The following TRHDE variants were observed in gnomAD, a reference collection of about 807,000 sequenced individuals.
TRHDE encodes thyrotropin releasing hormone degrading enzyme.
A neutral mutation model predicts 125.7 loss-of-function variants in TRHDE; 72 were observed. That is an observed-to-expected ratio of 0.57 (90% CI 0.47 to 0.70). The LOEUF (loss-of-function observed/expected upper bound fraction) is 0.70. Among genes scored for constraint, TRHDE ranks in the 30% least tolerant of loss-of-function variants. The pLI is 0.00. For synonymous variants in TRHDE, 509 were observed against 509.1 expected, an observed-to-expected ratio of 1.00 and a Z score of 0.00; for missense variants, 1,110 against 1,327.1, an observed-to-expected ratio of 0.84 and a Z score of 2.54.
In TRHDE at chr12:72,224,158, G is replaced by C. The variant is rs201764458; in HGVS notation, n.279+118406G>C. Reference sequence around the variant, plus strand: ...TCTATCTATTTATCTATGTATGTATGTATGTATGTATCTATCTATCTATCT... The same window carrying C: ...TCTATCTATTTATCTATGTATGTATCTATGTATGTATCTATCTATCTATCT... On this transcript the variant is annotated intron_variant and non_coding_transcript_variant, in intron 2 of 4. Coordinates refer to the TRHDE transcript ENST00000548156. Among the ~76,000 whole-genome samples, 176 of 24,652 alleles carry C rather than the reference G, an allele frequency of 7.1e-3. 1 individual carries two copies. Among genetic ancestry groups the C allele is most frequent in the African/African-American group, 0.017 (126 of 7,598 alleles). The allele number at this position is 24,652 out of a possible 152,430, so 16.2% of individuals were successfully genotyped here.
Position 72,414,340 on chromosome 12 carries a change from C to T in TRHDE, c.1315+36219C>T, listed in dbSNP as rs557791400. On this transcript the variant is annotated intron_variant, in intron 3 of 18. Coordinates refer to ENST00000261180, the MANE Select transcript of TRHDE (RefSeq NM_013381.3). ...GATAAATTTGAAAGACTAATGGAGA[C>T]AAGAGAGACAACGAAATTCATGTGC... is the stretch of plus-strand genomic sequence containing the variant. Among the ~76,000 whole-genome samples, 4 of 152,060 alleles carry T rather than the reference C, an allele frequency of 2.6e-5. No individual in the cohort carries two copies. The East Asian group carries it at 7.7e-4, about 29-fold the overall frequency.
intron 12 of TRHDE, among the ~76,000 whole-genome samples, chr12:72,594,518 T>TTTA (rs1555200619): frequency 2.6e-5 from 4 of 151,014 alleles, no homozygotes; most frequent in Admixed American, 6.6e-5. Flanking sequence ...TTTTTTTTTT[T>TTTA]AATATTACTA....
intron 2 of TRHDE, among the ~76,000 whole-genome samples, chr12:72,151,306 G>C (rs1876358520): frequency 3.9e-5 from 6 of 152,136 alleles, no homozygotes; most frequent in Admixed American, 3.9e-4. Flanking sequence ...CCCTTTGTCA[G>C]ATGAGTAGAT....
At chr12:72,313,845 A>C (rs987854683) in intron 2 of TRHDE, among the ~76,000 whole-genome samples, 1 of 152,242 alleles carries the variant, frequency 6.6e-6, no homozygotes, top group Non-Finnish European at 1.5e-5. Context: ...TTCCCTGATC[A>C]GGACAAACTC....
chr12:72,640,261 G>C (rs564875842), intron 15 of TRHDE, among the ~76,000 whole-genome samples: 1 of 152,210 alleles, frequency 6.6e-6, no homozygotes, highest in African/African-American at 2.4e-5. Flanking sequence ...GGAGTGACCC[G>C]ATCTTCCAGG....
chr12:72,238,285 T>C (rs1314421172), intron 2 of TRHDE, among the ~76,000 whole-genome samples: 1 of 19,554 alleles, frequency 5.1e-5, no homozygotes, highest in Non-Finnish European at 9.4e-5. Flanking sequence ...AATATATATA[T>C]ATATATATAT....
intron 2 of TRHDE, among the ~76,000 whole-genome samples, chr12:72,224,134 CTATCTATT>C (rs1346034921): frequency 0.19 from 15,268 of 78,942 alleles, 1,040 homozygotes; most frequent in Non-Finnish European, 0.22. Context: ...ATCTATCTAT[CTATCTATT>C]TATCTATGTA....
intron 6 of TRHDE, among the ~76,000 whole-genome samples, chr12:72,528,423 C>T (rs904824941): frequency 6.6e-6 from 1 of 152,146 alleles, no homozygotes; most frequent in African/African-American, 2.4e-5. Flanking sequence ...ATGTTGTCTT[C>T]GTGTAGTTAT....
intron 2 of TRHDE, among the ~76,000 whole-genome samples, chr12:72,184,238 T>C (rs1450181725): frequency 2.0e-5 from 3 of 152,206 alleles, no homozygotes; most frequent in Non-Finnish European, 4.4e-5. Context: ...TCTTTTCTGC[T>C]GTCACCTGTA....
At position 72,142,123 on chromosome 12, in the gene TRHDE, A is replaced by C. The variant is rs527750695; in HGVS notation, n.279+36371A>C. 2.8e-4 allele frequency among the ~76,000 whole-genome samples: 43 copies of C among 152,252 alleles called. 1 individual carries two copies. Among genetic ancestry groups the C allele is most frequent in the Non-Finnish European group, 5.1e-4 (35 of 68,014 alleles). ...AGATGGGCATGCATACAATTTCCTAAACACACCGTGCCTGCTCAATTCTGA... is the reference window on the plus strand; with the variant it reads ...AGATGGGCATGCATACAATTTCCTACACACACCGTGCCTGCTCAATTCTGA... On this transcript the variant is annotated intron_variant and non_coding_transcript_variant, in intron 2 of 4. Transcript: ENST00000548156.
intron 2 of TRHDE, among the ~76,000 whole-genome samples, chr12:72,123,594 G>A (rs1010924554): frequency 1.7e-4 from 26 of 151,896 alleles, no homozygotes; most frequent in African/African-American, 6.0e-4. Flanking sequence ...GATTCATAAT[G>A]AGATTTTTTA....
Position 72,600,724 on chromosome 12 carries a change from T to A in TRHDE, c.2322-18167T>A, listed in dbSNP as rs142712891. Among the ~76,000 whole-genome samples the A allele has an allele frequency of 6.6e-5, 10 of 152,204 alleles. No individual in the cohort carries two copies. The East Asian group carries it at 1.9e-3, about 29-fold the overall frequency. ...TCTTCAGAATTATGCTAAATTTACTTTTCCTGTGCTTTATATATGAAATAA... is the reference window on the plus strand; with the variant it reads ...TCTTCAGAATTATGCTAAATTTACTATTCCTGTGCTTTATATATGAAATAA... On this transcript the variant is annotated intron_variant, in intron 12 of 18. Coordinates refer to ENST00000261180, the MANE Select transcript of TRHDE (RefSeq NM_013381.3).
chr12:72,581,624 A>T (rs1476579949), intron 12 of TRHDE, among the ~76,000 whole-genome samples: 1 of 152,194 alleles, frequency 6.6e-6, no homozygotes. Context: ...TAACATTTTT[A>T]AAATTCTGTT....
chr12:72,181,053 A>C (rs961333226), intron 2 of TRHDE, among the ~76,000 whole-genome samples: 5 of 152,186 alleles, frequency 3.3e-5, no homozygotes, highest in Non-Finnish European at 5.9e-5. Context: ...TCTTGGTAAC[A>C]AATAAGAAGG....
intron 3 of TRHDE, among the ~76,000 whole-genome samples, chr12:72,403,942 G>A (rs1038295280): frequency 2.6e-5 from 4 of 152,164 alleles, no homozygotes; most frequent in Admixed American, 6.5e-5. Flanking sequence ...GAAGAAAAAT[G>A]TTAAGGAAAT....
intron 10 of TRHDE, among the ~76,000 whole-genome samples, chr12:72,573,634 G>A (rs887495080): frequency 2.6e-5 from 4 of 151,844 alleles, no homozygotes; most frequent in African/African-American, 9.7e-5. Context: ...CAAGAATTTA[G>A]CTTTTCTTGT....
intron 2 of TRHDE, among the ~76,000 whole-genome samples, chr12:72,189,351 A>G (rs921140527): frequency 2.6e-5 from 4 of 152,220 alleles, no homozygotes; most frequent in Non-Finnish European, 4.4e-5. Context: ...TTATGGATAG[A>G]GGCTTTTCTA....
chr12:72,526,481 G>A (rs1838282558), intron 6 of TRHDE, among the ~76,000 whole-genome samples: 1 of 152,096 alleles, frequency 6.6e-6, no homozygotes, highest in Admixed American at 6.6e-5. Context: ...TGGGATGACT[G>A]TACTTTCTAA....
chr12:72,363,556 G>A (rs1871212222), intron 2 of TRHDE, among the ~76,000 whole-genome samples: 1 of 152,054 alleles, frequency 6.6e-6, no homozygotes, highest in Non-Finnish European at 1.5e-5. Context: ...AAAGGCCTTT[G>A]ACGAAATTCA....
Sources: allele counts gnomAD v4.1 joint callset (sites outside exome capture counted in the v4.1 genomes callset), GRCh38; gene constraint gnomAD v4.1.1; transcripts MANE v1.5; gene names NCBI Gene and HGNC (gene_info 2026-07-23, HGNC 2026-07-21).